Variants in CDIN1 observed in about 807,000 individuals in gnomAD.
CDIN1 encodes the protein CDAN1-interacting nuclease 1.
A neutral mutation model predicts 45.3 loss-of-function variants in CDIN1; 33 were observed. The observed-to-expected ratio is 0.73, with a 90% CI of 0.55 to 0.97. CDIN1 has a LOEUF of 0.97. CDIN1 is among the 50% of genes least tolerant of loss of function. The pLI is 0.00. For missense variants in CDIN1, 303 were observed against 339.4 expected (o/e 0.89, Z 0.84); for synonymous variants, 118 against 124.4 (o/e 0.95, Z 0.34).
At chr15:36,789,793 A>G (rs1379047521) in intron 10 of CDIN1, among the ~76,000 whole-genome samples, 3 of 151,962 alleles carry the variant, frequency 2.0e-5, no homozygotes, top group African/African-American at 7.3e-5. Context: ...GAGAGCAGCA[A>G]CTGACTATCT....
rs142600407 is a variant in CDIN1, at chr15:36,736,770, G to C, written c.716+26809G>C. On this transcript the variant is annotated intron_variant, in intron 10 of 10. Coordinates refer to ENST00000566621, the MANE Select transcript of CDIN1 (RefSeq NM_001321759.2). ...TGAAGTACGTTTAAGGTCTTCCACA[G>C]TCTGACCTCCTCCTTTCCAGCCATA... Among the ~76,000 whole-genome samples, 120 of 152,268 alleles carry C rather than the reference G, an allele frequency of 7.9e-4. No individual in the cohort carries two copies. The East Asian group carries it at 0.019, about 24-fold the overall frequency.
At chr15:36,757,760 G>T (rs372746381) in intron 10 of CDIN1, among the ~76,000 whole-genome samples, 4 of 151,944 alleles carry the variant, frequency 2.6e-5, no homozygotes, top group African/African-American at 9.7e-5. Context: ...TCCTCCTCCT[G>T]ACCTACTGTC....
At chr15:36,716,219 A>G (rs1330551646) in intron 10 of CDIN1, among the ~76,000 whole-genome samples, 2 of 152,162 alleles carry the variant, frequency 1.3e-5, no homozygotes, top group African/African-American at 4.8e-5. Flanking sequence ...TCACAAATCC[A>G]GGGGACCAGA....
In CDIN1 at chr15:36,703,366, TCTATC is replaced by T. The variant is rs1328202966; in HGVS notation, c.545-5856_545-5852del. Among the ~76,000 whole-genome samples the T allele has an allele frequency of 8.9e-3, 573 of 64,296 alleles. 23 individuals are homozygous for T. Among genetic ancestry groups the T allele is most frequent in the African/African-American group, 0.036 (422 of 11,884 alleles). The allele number at this position is 64,296 out of a possible 152,430, so 42.2% of individuals were successfully genotyped here. On this transcript the variant is annotated intron_variant, in intron 8 of 10. Coordinates refer to ENST00000566621, the MANE Select transcript of CDIN1 (RefSeq NM_001321759.2). ...CAGATATATACATATATCAGATAGATCTATCATATATATATATATCAGATATATAT... is the reference window on the plus strand; with the variant it reads ...CAGATATATACATATATCAGATAGATATATATATATATATCAGATATATAT...
intron 10 of CDIN1, among the ~76,000 whole-genome samples, chr15:36,733,867 A>G (rs181076047): frequency 2.1e-3 from 317 of 152,310 alleles, no homozygotes; most frequent in African/African-American, 7.1e-3. Context: ...AGAAAATGCA[A>G]GGTACTTTGT....
intron 10 of CDIN1, among the ~76,000 whole-genome samples, chr15:36,733,101 C>T (rs1317427160): frequency 6.6e-6 from 1 of 151,978 alleles, no homozygotes; most frequent in African/African-American, 2.4e-5. Context: ...TGATGTATAA[C>T]TTCAGCCTTA....
chr15:36,728,035 A>G (rs935811660), intron 10 of CDIN1, among the ~76,000 whole-genome samples: 19 of 152,210 alleles, frequency 1.2e-4, no homozygotes, highest in Non-Finnish European at 2.9e-5. Context: ...TGGTGTCTCC[A>G]TGATTTTGAG....
intron 6 of CDIN1, among the ~76,000 whole-genome samples, 174 bp from the exon 7 acceptor site, chr15:36,691,952 A>C (rs1280233990): frequency 6.7e-6 from 1 of 149,794 alleles, no homozygotes; most frequent in African/African-American, 2.5e-5. Flanking sequence ...ATAGTGAATA[A>C]AAAGCATGCA....
At chr15:36,730,099 A>C (rs2032580593) in intron 10 of CDIN1, among the ~76,000 whole-genome samples, 1 of 152,156 alleles carries the variant, frequency 6.6e-6, no homozygotes, top group Non-Finnish European at 1.5e-5. Context: ...ACATTGACCT[A>C]TTCATATCTA....
rs935787142 is a variant in CDIN1 at position 36,613,762 on chromosome 15, G to T, written c.102-30516G>T. The T allele has an allele frequency of 2.5e-6, 4 of 1,600,566 alleles. No individual in the cohort carries two copies. In the African/African-American group the frequency reaches 5.4e-5, roughly 21 times the overall value. ...CAGGTATGAAGGTTTTTGAAAACCG[G>T]GCCTTAAAAGATGAAGAAAAGATAG... On this transcript the variant is annotated intron_variant, in intron 1 of 10. Coordinates refer to ENST00000566621, the MANE Select transcript of CDIN1 (RefSeq NM_001321759.2).
At chr15:36,613,345 T>C (rs956669117) in intron 1 of CDIN1, 2 of 737,304 alleles carry the variant, frequency 2.7e-6, no homozygotes, top group African/African-American at 3.5e-5. Context: ...ATTGATGACG[T>C]AAAGTTAAAA....
rs550815215 is a variant in CDIN1, at chr15:36,710,389, C to G, written c.716+428C>G. 5.3e-5 allele frequency among the ~76,000 whole-genome samples: 8 copies of G among 152,194 alleles called. No individual in the cohort carries two copies. The East Asian group carries it at 1.2e-3, about 22-fold the overall frequency. ...TGAAAGATGGAAATAATACACCTTC[C>G]AAGAATAGAGAATAGTTTACCTACC... On this transcript the variant is annotated intron_variant, in intron 10 of 10. Transcript: ENST00000566621.
intron 3 of CDIN1, among the ~76,000 whole-genome samples, chr15:36,651,747 C>T (rs1216432367): frequency 6.6e-6 from 1 of 152,042 alleles, no homozygotes; most frequent in African/African-American, 2.4e-5. Flanking sequence ...TTTATCAGTG[C>T]CCTGGGGTTT....
chr15:36,602,344 C>T lies in CDIN1; in HGVS notation c.101+22383C>T, dbSNP rs1046063923. ...CTATAATGAATACTATTTCCTACTG[C>T]GGACACATTGTAATGATAGCAAAAA... On this transcript the variant is annotated intron_variant, in intron 1 of 10. Coordinates refer to ENST00000566621, the MANE Select transcript of CDIN1 (RefSeq NM_001321759.2). 7.9e-5 allele frequency among the ~76,000 whole-genome samples: 12 copies of T among 152,152 alleles called. 1 individual carries two copies. In the South Asian group the frequency reaches 8.3e-4, roughly 11 times the overall value.
chr15:36,677,967 G>A (rs1027941794), intron 5 of CDIN1, among the ~76,000 whole-genome samples: 4 of 152,172 alleles, frequency 2.6e-5, no homozygotes, highest in Admixed American at 6.5e-5. Context: ...ACAAGGTTCC[G>A]ATCAGTCTGA....
intron 8 of CDIN1, chr15:36,705,922 T>A (rs1181275698): frequency 6.6e-6 from 1 of 152,172 alleles, no homozygotes; most frequent in Non-Finnish European, 1.5e-5. Flanking sequence ...TTATTGCCAT[T>A]ACCTTTTTTT....
chr15:36,642,477 C>T (rs2040148176), intron 1 of CDIN1, among the ~76,000 whole-genome samples: 1 of 152,198 alleles, frequency 6.6e-6, no homozygotes, highest in Non-Finnish European at 1.5e-5. Context: ...ATCACTCTAA[C>T]CCTCTCGGCC....
At chr15:36,800,685 ATG>A (rs1413333876) in intron 10 of CDIN1, among the ~76,000 whole-genome samples, 1 of 151,616 alleles carries the variant, frequency 6.6e-6, no homozygotes, top group Non-Finnish European at 1.5e-5. Flanking sequence ...ATCGTGAACT[ATG>A]TGTTTGAAAA....
In CDIN1 at chr15:36,597,013, C is replaced by T. The variant is rs531266772; in HGVS notation, c.101+17052C>T. On this transcript the variant is annotated intron_variant, in intron 1 of 10. Coordinates refer to ENST00000566621, the MANE Select transcript of CDIN1 (RefSeq NM_001321759.2). ...CCTTTCCTTGTTAGCATCTGTTTGCCGTCATTGTTGGCAAGACCTATGATT... is the reference window on the plus strand; with the variant it reads ...CCTTTCCTTGTTAGCATCTGTTTGCTGTCATTGTTGGCAAGACCTATGATT... Among the ~76,000 whole-genome samples, 11 of 152,120 alleles carry T rather than the reference C, an allele frequency of 7.2e-5. No homozygotes were observed. The South Asian group carries it at 1.9e-3, about 26-fold the overall frequency.
Sources: gnomAD v4.1 joint callset for allele counts (sites outside exome capture counted in the v4.1 genomes callset) on GRCh38, gnomAD v4.1.1 for gene constraint, MANE v1.5 for transcripts, NCBI Gene and HGNC (gene_info 2026-07-23, HGNC 2026-07-21) for gene names.